The following LRRC4C variants were observed in gnomAD, a reference collection of about 807,000 sequenced individuals.
LRRC4C encodes leucine-rich repeat-containing protein 4C.
In LRRC4C, 5 loss-of-function variants were observed where a neutral mutation model predicts 33.6. The ratio of observed to expected loss-of-function variants is 0.15; its 90% CI spans 0.08 to 0.31. The LOEUF is 0.31. LRRC4C is among the 10% of genes least tolerant of loss of function. The pLI is 1.00. For missense variants in LRRC4C, 560 were observed against 796.7 expected (o/e 0.70, Z 3.58); for synonymous variants, 329 against 302.0 (o/e 1.09, Z -0.93).
intron 2 of LRRC4C, among the ~76,000 whole-genome samples, chr11:40,896,064 T>C (rs1469836951): frequency 1.3e-5 from 2 of 152,208 alleles, no homozygotes; most frequent in African/African-American, 4.8e-5. Context: ...AGTTCATCTT[T>C]TGGATTCTTT....
intron 3 of LRRC4C, among the ~76,000 whole-genome samples, chr11:40,399,285 A>G (rs373639936): frequency 0.014 from 2,196 of 152,258 alleles, 47 homozygotes; most frequent in African/African-American, 0.049. Flanking sequence ...AACCAACCCA[A>G]ATGTCCAACA....
At chr11:40,289,511 T>G (rs944402870) in intron 4 of LRRC4C, among the ~76,000 whole-genome samples, 1 of 152,170 alleles carries the variant, frequency 6.6e-6, no homozygotes, top group African/African-American at 2.4e-5. Context: ...CCTCGGCAGA[T>G]TCTGGTGGAC....
intron 1 of LRRC4C, among the ~76,000 whole-genome samples, chr11:41,249,764 C>A (rs1263716676): frequency 6.6e-6 from 1 of 152,084 alleles, no homozygotes; most frequent in Non-Finnish European, 1.5e-5. Context: ...AAATAGCATC[C>A]CTGGATCTAT....
intron 2 of LRRC4C, among the ~76,000 whole-genome samples, chr11:40,853,670 C>T (rs1447591488): frequency 6.6e-6 from 1 of 152,068 alleles, no homozygotes; most frequent in Non-Finnish European, 1.5e-5. Context: ...CAGTGAATAC[C>T]ATTCAAAACT....
Position 40,116,225 on chromosome 11 carries a change from A to T in LRRC4C, c.68T>A (p.Phe23Tyr), listed in dbSNP as rs1404976668. 10 of 1,613,982 alleles carry T rather than the reference A, an allele frequency of 6.2e-6. No homozygotes were observed. Among genetic ancestry groups the T allele is most frequent in the African/African-American group, 2.7e-5 (2 of 74,914 alleles). ...MIGPRFNRALFDPLLVVLLAL... is the reference protein window; with the variant it reads ...MIGPRFNRALYDPLLVVLLAL... Reference sequence around the variant, plus strand: ...CAGCAGCACCACAAGCAGGGGGTCAAATAGGGCCCTGTTAAACCTAGGACC... The same window carrying T: ...CAGCAGCACCACAAGCAGGGGGTCATATAGGGCCCTGTTAAACCTAGGACC... Residue 23 changes from phenylalanine (F) to tyrosine (Y), a missense_variant, in exon 7 of 7, where the codon TTT becomes TAT. Phe to Tyr is a conservative substitution (Grantham distance 22, BLOSUM62 3). This residue lies in a region of LRRC4C where 455 missense variants were observed against 643.8 expected (regional missense o/e 0.71). Coordinates refer to ENST00000528697, the MANE Select transcript of LRRC4C (RefSeq NM_001258419.2).
chr11:40,667,332 C>G (rs891878040), intron 2 of LRRC4C, among the ~76,000 whole-genome samples: 4 of 152,074 alleles, frequency 2.6e-5, no homozygotes, highest in African/African-American at 9.7e-5. Flanking sequence ...CTTTTGCTTT[C>G]TCTTTTGAAA....
Position 40,582,488 on chromosome 11 carries a change from C to A in LRRC4C, c.-270+65654G>T, listed in dbSNP as rs1026697686. Among the ~76,000 whole-genome samples the A allele has an allele frequency of 2.1e-5, 3 of 143,500 alleles. No homozygotes were observed. The Admixed American group carries it at 2.1e-4, about 10-fold the overall frequency. The allele number at this position is 143,500 out of a possible 152,430, so 94.1% of individuals were successfully genotyped here. On this transcript the variant is annotated intron_variant, in intron 3 of 6. Coordinates refer to ENST00000528697, the MANE Select transcript of LRRC4C (RefSeq NM_001258419.2). ...TTAAGGAGCTGAACTTTCTTCTTAT[C>A]GTACTTATTTCTCTCCCTTGTTCAG...
chr11:40,339,941 T>G (rs1297985145), intron 3 of LRRC4C, among the ~76,000 whole-genome samples: 3 of 152,204 alleles, frequency 2.0e-5, no homozygotes, highest in Non-Finnish European at 4.4e-5. Context: ...CTTGGAAATT[T>G]GGCATATGTG....
At chr11:40,763,229 G>T (rs1044585356) in intron 2 of LRRC4C, among the ~76,000 whole-genome samples, 2 of 151,930 alleles carry the variant, frequency 1.3e-5, no homozygotes, top group African/African-American at 4.8e-5. Context: ...CTACAAGGGG[G>T]TGATATCTGC....
intron 1 of LRRC4C, among the ~76,000 whole-genome samples, chr11:41,164,156 C>A (rs1944610280): frequency 6.7e-6 from 1 of 150,248 alleles, no homozygotes; most frequent in Non-Finnish European, 1.5e-5. Context: ...TTATTTAAAT[C>A]CTTATTACAT....
intron 2 of LRRC4C, among the ~76,000 whole-genome samples, chr11:40,732,835 C>A (rs1054275445): frequency 5.3e-5 from 8 of 152,234 alleles, no homozygotes; most frequent in African/African-American, 1.9e-4. Flanking sequence ...CTTTGTCCAG[C>A]TCTACTATCT....
In LRRC4C at chr11:41,011,366, T is replaced by C. The variant is rs536099334; in HGVS notation, c.-495-77643A>G. Among the ~76,000 whole-genome samples the C allele has an allele frequency of 2.0e-5, 3 of 152,300 alleles. No homozygotes were observed. In the Middle Eastern group the frequency reaches 0.01, roughly 518 times the overall value. ...AAAAATGGATCAAATATATAGTACA[T>C]CTTCTGCTAATGGTCAGCTAAATAT... On this transcript the variant is annotated intron_variant, in intron 1 of 6. Transcript: ENST00000528697.
chr11:40,340,937 T>C (rs1305163904), intron 3 of LRRC4C, among the ~76,000 whole-genome samples: 1 of 152,186 alleles, frequency 6.6e-6, no homozygotes, highest in African/African-American at 2.4e-5. Context: ...ATTCTACCAG[T>C]AATCTCGACC....
intron 3 of LRRC4C, among the ~76,000 whole-genome samples, chr11:40,566,186 G>C (rs191566520): frequency 1.4e-5 from 2 of 139,046 alleles, no homozygotes; most frequent in East Asian, 4.6e-4. Flanking sequence ...ATATTAACTA[G>C]AAGAAAGCCA....
chr11:40,877,068 T>C (rs73472677), intron 2 of LRRC4C, among the ~76,000 whole-genome samples: 4,719 of 152,180 alleles, frequency 0.031, 276 homozygotes, highest in African/African-American at 0.1. Context: ...TGTAAGGGCA[T>C]GTACTTTAAC....
intron 1 of LRRC4C, among the ~76,000 whole-genome samples, chr11:41,445,866 A>ATGTGTGTGTGTGTCTGTGTGTGTG (rs536111711): frequency 6.7e-6 from 1 of 149,730 alleles, no homozygotes; most frequent in African/African-American, 2.5e-5. Flanking sequence ...GAGTGACTGC[A>ATGTGTGTGTGTGTCTGTGTGTGTG]TGTGTGTGTG....
chr11:41,432,132 T>C (rs951840006), intron 1 of LRRC4C, among the ~76,000 whole-genome samples: 1 of 152,142 alleles, frequency 6.6e-6, no homozygotes, highest in Admixed American at 6.5e-5. Context: ...AAGGAGACAG[T>C]AGATAATAAT....
chr11:41,417,568 A>C (rs181545145), intron 1 of LRRC4C, among the ~76,000 whole-genome samples: 1 of 152,114 alleles, frequency 6.6e-6, no homozygotes, highest in African/African-American at 2.4e-5. Context: ...ACTAGCAATC[A>C]TGCAAATCTG....
At chr11:40,390,023 C>A (rs748315091) in intron 3 of LRRC4C, among the ~76,000 whole-genome samples, 1 of 152,130 alleles carries the variant, frequency 6.6e-6, no homozygotes, top group African/African-American at 2.4e-5. Context: ...TCCCAAATGA[C>A]AATTTATAAT....
Sources: allele counts gnomAD v4.1 joint callset (sites outside exome capture counted in the v4.1 genomes callset), GRCh38; gene constraint gnomAD v4.1.1; regional missense constraint gnomAD v4.1.1; transcripts MANE v1.5; gene names NCBI Gene and HGNC (gene_info 2026-07-23, HGNC 2026-07-21).